The following RFX6 variants were observed in gnomAD, a reference collection of about 807,000 sequenced individuals.
The protein encoded by RFX6 is DNA-binding protein RFX6.
In RFX6, 50 loss-of-function variants were observed where a neutral mutation model predicts 110.8. That is an observed-to-expected ratio of 0.45 (90% CI 0.36 to 0.57). The LOEUF (loss-of-function observed/expected upper bound fraction) is 0.57, where lower values mean the gene tolerates loss of function less well. Ranked by LOEUF, RFX6 falls within the 20% of genes least tolerant of loss-of-function variation. The probability of loss-of-function intolerance (pLI) is 0.00; values close to 1 mark genes in which losing one functional copy is unlikely to be tolerated. For synonymous variants in RFX6, 383 were observed against 411.2 expected (o/e 0.93, Z 0.83); for missense variants, 990 against 1,127.0 (o/e 0.88, Z 1.74).
At chr6:116,919,045 A>G (rs1775534570) in intron 10 of RFX6, 92 bp from the exon 11 acceptor site, 22 of 1,184,972 alleles carry the variant, frequency 1.9e-5, no homozygotes, top group Non-Finnish European at 2.7e-5. Context: ...ACTGCTTATG[A>G]AACCATAGAA....
chr6:116,904,754 A>G (rs1046832873), intron 6 of RFX6, among the ~76,000 whole-genome samples: 7 of 152,308 alleles, frequency 4.6e-5, no homozygotes, highest in Non-Finnish European at 1.0e-4. Context: ...CTCTTTAAGT[A>G]GAGCCATACA....
chr6:116,926,997 C>T lies in RFX6; in HGVS notation c.1886-30C>T, dbSNP rs1352602794. On this transcript the variant is annotated intron_variant, in intron 16 of 18. Coordinates refer to ENST00000332958, the MANE Select transcript of RFX6 (RefSeq NM_173560.4). ...TGAGCTCATCTACTTTAATATGACACTAAAGGAATGTTCTGGTGATTTTTT... is the reference window on the plus strand; with the variant it reads ...TGAGCTCATCTACTTTAATATGACATTAAAGGAATGTTCTGGTGATTTTTT... The T allele has an allele frequency of 3.1e-6, 5 of 1,591,114 alleles. No individual in the cohort carries two copies. In the Admixed American group the frequency reaches 5.0e-5, roughly 16 times the overall value.
At chr6:116,891,979 C>A (rs1290001367) in intron 4 of RFX6, among the ~76,000 whole-genome samples, 1 of 152,028 alleles carries the variant, frequency 6.6e-6, no homozygotes, top group East Asian at 1.9e-4. Context: ...TTATGATGGT[C>A]CTTTTTTCAG....
intron 13 of RFX6, 121 bp downstream of exon 13, chr6:116,922,272 G>C (rs1775617685): frequency 1.4e-6 from 1 of 697,464 alleles, no homozygotes; most frequent in Non-Finnish European, 2.6e-6. Flanking sequence ...GCTTTGAAAA[G>C]CTTTTGATGC....
At chr6:116,890,718 T>C (rs1774810366) in intron 4 of RFX6, among the ~76,000 whole-genome samples, 1 of 152,188 alleles carries the variant, frequency 6.6e-6, no homozygotes, top group Non-Finnish European at 1.5e-5. Flanking sequence ...AGTTTGTGTA[T>C]GGGTTTATAG....
intron 2 of RFX6, among the ~76,000 whole-genome samples, chr6:116,878,932 C>T (rs994034172): frequency 6.6e-6 from 1 of 151,676 alleles, no homozygotes; most frequent in Non-Finnish European, 1.5e-5. Flanking sequence ...AAATATTCAT[C>T]TAAAGTTGGA....
intron 6 of RFX6, among the ~76,000 whole-genome samples, chr6:116,903,657 ATATTGTT>A (rs149431339): frequency 0.058 from 8,766 of 152,034 alleles, 374 homozygotes; most frequent in Non-Finnish European, 0.082. Flanking sequence ...TCTCAACAAC[ATATTGTT>A]TATTATTTGC....
chr6:116,895,645 T>TACACACACACACACACACACAC (rs146991192), intron 6 of RFX6, among the ~76,000 whole-genome samples: 1 of 147,834 alleles, frequency 6.8e-6, no homozygotes, highest in Non-Finnish European at 1.5e-5. Flanking sequence ...CTACTTTGTG[T>TACACACACACACACACACACAC]ACACACACAC....
chr6:116,878,537 T>G (rs955268364), intron 2 of RFX6, among the ~76,000 whole-genome samples: 1 of 152,036 alleles, frequency 6.6e-6, no homozygotes, highest in Non-Finnish European at 1.5e-5. Flanking sequence ...AATTGGATTT[T>G]GTGGAAAATC....
At chr6:116,930,827 A>G (rs1402098299) in intron 18 of RFX6, among the ~76,000 whole-genome samples, 2 of 152,168 alleles carry the variant, frequency 1.3e-5, no homozygotes, top group African/African-American at 4.8e-5. Flanking sequence ...GCCCATCTAC[A>G]TAGGGTAAGA....
At chr6:116,894,137 G>T in intron 5 of RFX6, 73 bp downstream of exon 5, 1 of 873,720 alleles carries the variant, frequency 1.1e-6, no homozygotes, top group South Asian at 1.3e-5. Context: ...TGAATAAAAT[G>T]ATTTCTTAAT....
intron 17 of RFX6, 38 bp from the exon 18 acceptor site, chr6:116,928,720 AG>A (rs1353740598): frequency 2.1e-6 from 3 of 1,449,856 alleles, no homozygotes; most frequent in Admixed American, 3.3e-5. Flanking sequence ...AGTTCTTTGT[AG>A]TAAGTTAACA....
intron 6 of RFX6, among the ~76,000 whole-genome samples, chr6:116,895,867 G>A (rs1774934887): frequency 6.6e-6 from 1 of 152,182 alleles, no homozygotes; most frequent in South Asian, 2.1e-4. Flanking sequence ...AATGTGTTGT[G>A]TAGTAAATCT....
chr6:116,924,717 C>T lies in RFX6; in HGVS notation c.1604C>T (p.Ala535Val). The change falls in exon 15 of 19, where the codon GCC (alanine) becomes GTC (valine). Residue 535 changes from alanine to valine, a missense_variant. Transcript: ENST00000332958. Reference protein sequence around the residue: ...RMLLDEYILLAMETQFNNDKE... With the variant: ...RMLLDEYILLVMETQFNNDKE... ...CTTCTCGATGAATACATTCTCCTGGCCATGGAGACCCAGTTTAATAATGAC... is the reference window on the plus strand; with the variant it reads ...CTTCTCGATGAATACATTCTCCTGGTCATGGAGACCCAGTTTAATAATGAC... 6.3e-7 allele frequency: 1 copy of T among 1,598,878 alleles called. No homozygotes were observed. The highest frequency in any genetic ancestry group is 8.6e-7 in the Non-Finnish European group (1 of 1,166,160).
At chr6:116,894,108 A>C (rs749866410) in intron 5 of RFX6, 44 bp downstream of exon 5, 5 of 998,904 alleles carry the variant, frequency 5.0e-6, no homozygotes, top group Non-Finnish European at 6.5e-6. Context: ...GTGTTTCTTT[A>C]AATATGCATG....
chr6:116,894,414 G>A (rs1331030443), intron 5 of RFX6, among the ~76,000 whole-genome samples: 2 of 152,062 alleles, frequency 1.3e-5, no homozygotes, highest in Non-Finnish European at 2.9e-5. Context: ...ACTTTTTTCT[G>A]AGACAACCTG....
At chr6:116,902,456 A>T (rs1775097086) in intron 6 of RFX6, among the ~76,000 whole-genome samples, 1 of 152,130 alleles carries the variant, frequency 6.6e-6, no homozygotes, top group Non-Finnish European at 1.5e-5. Context: ...TTACTGTTTT[A>T]AAATTTTTAT....
chr6:116,906,763 G>A lies in RFX6; in HGVS notation c.673-4172G>A, dbSNP rs574781343. Among the ~76,000 whole-genome samples the A allele has an allele frequency of 6.6e-5, 10 of 151,382 alleles. No individual in the cohort carries two copies. In the East Asian group the frequency reaches 1.9e-3, roughly 29 times the overall value. Reference sequence around the variant, plus strand: ...ATGAGTTGTGTGTGTGTGTGTGTGTGTGTAATTTTTAGGGGTTTCTACATA... The same window carrying A: ...ATGAGTTGTGTGTGTGTGTGTGTGTATGTAATTTTTAGGGGTTTCTACATA... On this transcript the variant is annotated intron_variant, in intron 6 of 18. Coordinates refer to ENST00000332958, the MANE Select transcript of RFX6 (RefSeq NM_173560.4).
At chr6:116,914,154 TC>T (rs1775415263) in intron 7 of RFX6, among the ~76,000 whole-genome samples, 1 of 152,174 alleles carries the variant, frequency 6.6e-6, no homozygotes. Flanking sequence ...CTTGTTTAGG[TC>T]CCACATATGA....
Sources: gnomAD v4.1 joint callset for allele counts (sites outside exome capture counted in the v4.1 genomes callset) on GRCh38, gnomAD v4.1.1 for gene constraint, MANE v1.5 for transcripts, NCBI Gene and HGNC (gene_info 2026-07-23, HGNC 2026-07-21) for gene names.